Variants in PDE6B observed in about 807,000 individuals in gnomAD.
PDE6B encodes the protein rod cGMP-specific 3',5'-cyclic phosphodiesterase subunit beta.
Under a neutral mutation model 109.0 loss-of-function variants are expected in PDE6B, and 106 were observed. The ratio of observed to expected loss-of-function variants is 0.97; its 90% CI spans 0.83 to 1.14. The LOEUF (loss-of-function observed/expected upper bound fraction) is 1.14. Among genes scored for constraint, PDE6B ranks in the 50% most tolerant of loss-of-function variants. PDE6B has a pLI of 0.00. For missense variants in PDE6B, 1,193 were observed against 1,155.6 expected (o/e 1.03, Z -0.47); for synonymous variants, 490 against 471.3 (o/e 1.04, Z -0.51).
chr4:668,041 G>C (rs776569211), intron 21 of PDE6B, 35 bp downstream of exon 21: 2 of 1,595,546 alleles, frequency 1.3e-6, no homozygotes, highest in Admixed American at 3.3e-5. Flanking sequence ...GCAGGGACTC[G>C]GTGACTCTCC....
rs548681993 is a variant in PDE6B, at chr4:669,660, C to T, written c.2504-386C>T. On this transcript the variant is annotated intron_variant, in intron 21 of 21. Transcript: ENST00000496514. ...CTATTCCCCTACCCCATGCTATTCC[C>T]GCTACGCCATGCTATTCCCGCTACC... Among the ~76,000 whole-genome samples, 58 of 117,180 alleles carry T rather than the reference C, an allele frequency of 4.9e-4. 3 individuals are homozygous for T. Among genetic ancestry groups the T allele is most frequent in the Non-Finnish European group, 6.4e-4 (37 of 57,644 alleles). The allele number at this position is 117,180 out of a possible 152,430, so 76.9% of individuals were successfully genotyped here.
chr4:663,973 C>T lies in PDE6B; in HGVS notation c.2021+103C>T, dbSNP rs778358478. The T allele has an allele frequency of 1.6e-4, 173 of 1,106,146 alleles. 1 individual carries two copies. Among genetic ancestry groups the T allele is most frequent in the Non-Finnish European group, 2.2e-4 (161 of 744,318 alleles). The allele number at this position is 1,106,146 out of a possible 1,614,324, so 68.5% of individuals were successfully genotyped here. On this transcript the variant is annotated intron_variant, in intron 16 of 21. Coordinates refer to ENST00000496514, the MANE Select transcript of PDE6B (RefSeq NM_000283.4). The surrounding 1 kb of genome is among the most constrained non-coding windows in gnomAD (Gnocchi z 4.0). ...GGCGGCACAGCCCGGGGGACGCAGC[C>T]CCGGATTCCGTCCCTGCCCGCCGGC...
Position 636,093 on chromosome 4 carries a change from G to A in PDE6B, c.711+124G>A. 1 of 696,612 alleles carries A rather than the reference G, an allele frequency of 1.4e-6. No individual in the cohort carries two copies. Among genetic ancestry groups the A allele is most frequent in the South Asian group, 1.5e-5 (1 of 66,168 alleles). The allele number at this position is 696,612 out of a possible 1,614,324, so 43.2% of individuals were successfully genotyped here. On this transcript the variant is annotated intron_variant, in intron 3 of 21. Coordinates refer to ENST00000496514, the MANE Select transcript of PDE6B (RefSeq NM_000283.4). This position sits in a 1 kb window ranked among gnomAD's most constrained non-coding sequence, Gnocchi z 4.5. ...CTCACCTGGGTAGGTCCTGGGGTGG[G>A]CATTGCTCAGGGGAGAGGAGGGCTC...
chr4:635,806 C>G lies in PDE6B; in HGVS notation c.622-74C>G, dbSNP rs561255665. The G allele has an allele frequency of 5.1e-5, 42 of 828,194 alleles. No homozygotes were observed. The South Asian group carries it at 5.7e-4, about 11-fold the overall frequency. 51.3% of individuals were successfully genotyped at this position (828,194 alleles called of 1,614,324 possible). A position where few individuals can be genotyped will look rare whatever the true frequency, so the allele number is the denominator to read the frequency against. On this transcript the variant is annotated intron_variant, in intron 2 of 21. Coordinates refer to ENST00000496514, the MANE Select transcript of PDE6B (RefSeq NM_000283.4). ...GGCACCCTCAGGCGAGCATGTTTCT[C>G]CTGCAAAATACCCACGGGGGCACAT...
Position 662,757 on chromosome 4 carries a change from A to T in PDE6B, c.1832+139A>T. On this transcript the variant is annotated intron_variant, in intron 14 of 21. Transcript: ENST00000496514. This position sits in a 1 kb window ranked among gnomAD's most constrained non-coding sequence, Gnocchi z 4.3. ...CGTACTCCAGCACTGTGGGAGGCCA[A>T]GGCGAGGGGATTGCTTGAGCCCAGG... 1.4e-6 allele frequency: 1 copy of T among 699,456 alleles called. No homozygotes were observed. Among genetic ancestry groups the T allele is most frequent in the Non-Finnish European group, 2.6e-6 (1 of 384,458 alleles). The allele number at this position is 699,456 out of a possible 1,614,324, so 43.3% of individuals were successfully genotyped here. A position where few individuals can be genotyped will look rare whatever the true frequency, so the allele number is the denominator to read the frequency against.
intron 3 of PDE6B, among the ~76,000 whole-genome samples, chr4:639,820 A>G (rs1376957256): frequency 6.6e-6 from 1 of 151,896 alleles, no homozygotes; most frequent in African/African-American, 2.4e-5. Context: ...AAATACAAAA[A>G]ATTAGCCAGA....
chr4:640,624 G>A (rs1734904757), intron 3 of PDE6B, among the ~76,000 whole-genome samples: 1 of 152,078 alleles, frequency 6.6e-6, no homozygotes, highest in Admixed American at 6.6e-5. Context: ...CTAAACCCAA[G>A]GTCACCTACA....
rs1423697828 is a variant in PDE6B at position 664,155 on chromosome 4, A to T, written c.2063A>T (p.Asn688Ile). 1 of 1,612,800 alleles carries T rather than the reference A, an allele frequency of 6.2e-7. No individual in the cohort carries two copies. Among genetic ancestry groups the T allele is most frequent in the South Asian group, 1.1e-5 (1 of 91,062 alleles). ...CAGAAGATCGTGGATGAGTCCAAGA[A>T]CTACCAGGACAAGAAGAGCTGGGTG... ...MFQKIVDESK[N>I]YQDKKSWVEY... is the part of the protein sequence containing the mutation. The change falls in exon 17 of 22, where the codon AAC becomes ATC. Residue 688 changes from asparagine to isoleucine, a missense_variant. Coordinates refer to ENST00000496514, the MANE Select transcript of PDE6B (RefSeq NM_000283.4).
At chr4:660,642 G>C (rs755860409) in intron 12 of PDE6B, 29 bp downstream of exon 12, 3 of 1,608,840 alleles carry the variant, frequency 1.9e-6, no homozygotes, top group Non-Finnish European at 1.7e-6. Context: ...CGCATAGTCA[G>C]GTCCCTGAGG....
rs1735210267 is a variant in PDE6B at position 646,563 on chromosome 4, C to T, written c.712-7289C>T. Among the ~76,000 whole-genome samples, 3 of 152,092 alleles carry T rather than the reference C, an allele frequency of 2.0e-5. No individual in the cohort carries two copies. The South Asian group carries it at 6.2e-4, about 31-fold the overall frequency. On this transcript the variant is annotated intron_variant, in intron 3 of 21. Coordinates refer to ENST00000496514, the MANE Select transcript of PDE6B (RefSeq NM_000283.4). ...CTTCCAACATGTCTTCTCCTTCGCT[C>T]TTTCTGCTCCTTCCGGCACCCGCCG... is the stretch of plus-strand genomic sequence containing the variant.
Position 665,197 on chromosome 4 carries a change from C to T in PDE6B, c.2194-58C>T, listed in dbSNP as rs111329498. On this transcript the variant is annotated intron_variant, in intron 18 of 21. Transcript: ENST00000496514. The surrounding 1 kb of genome is among the most constrained non-coding windows in gnomAD (Gnocchi z 4.0). ...AGGCTCGGAGCCTCACGGGGCGGGC[C>T]CGGGCCCTTCCGCGTGGGCTCAGAG... The T allele has an allele frequency of 2.1e-5, 27 of 1,312,288 alleles. No homozygotes were observed. The African/African-American group carries it at 3.6e-4, about 18-fold the overall frequency. The allele number at this position is 1,312,288 out of a possible 1,614,324, so 81.3% of individuals were successfully genotyped here. A position where few individuals can be genotyped will look rare whatever the true frequency, so the allele number is the denominator to read the frequency against.
At chr4:669,123 C>G (rs1299496316) in intron 21 of PDE6B, among the ~76,000 whole-genome samples, 8 of 302 alleles carry the variant, frequency 0.026, 4 homozygotes, top group African/African-American at 0.2. Context: ...CTCCCACTAC[C>G]CCACGCTATT....
rs1577268922 is a variant in PDE6B, at chr4:653,218, A to T, written c.712-634A>T. 5 of 1,008,992 alleles carry T rather than the reference A, an allele frequency of 5.0e-6. No homozygotes were observed. The South Asian group carries it at 2.1e-4, about 42-fold the overall frequency. The allele number at this position is 1,008,992 out of a possible 1,614,324, so 62.5% of individuals were successfully genotyped here. ...GGGAGCTGGCACCATGCGGTAGAAGACCCAGCGGCCGCCGCGAGTGTGAGG... is the reference window on the plus strand; with the variant it reads ...GGGAGCTGGCACCATGCGGTAGAAGTCCCAGCGGCCGCCGCGAGTGTGAGG... On this transcript the variant is annotated intron_variant, in intron 3 of 21. Coordinates refer to ENST00000496514, the MANE Select transcript of PDE6B (RefSeq NM_000283.4).
chr4:647,964 A>G (rs1735290207), intron 3 of PDE6B, among the ~76,000 whole-genome samples: 1 of 151,846 alleles, frequency 6.6e-6, no homozygotes, highest in Non-Finnish European at 1.5e-5. Context: ...AACCCCAGCT[A>G]CTCAGGAGGC....
At chr4:652,105 G>C (rs1048509511) in intron 3 of PDE6B, 1 of 151,958 alleles carries the variant, frequency 6.6e-6, no homozygotes, top group Non-Finnish European at 1.4e-5. Flanking sequence ...TGCAGACCCG[G>C]GCGGAGATTG....
intron 3 of PDE6B, among the ~76,000 whole-genome samples, chr4:650,030 C>G (rs539241276): frequency 6.6e-6 from 1 of 152,366 alleles, no homozygotes; most frequent in East Asian, 1.9e-4. Flanking sequence ...GACACAACCT[C>G]AGCTTCCATG....
chr4:659,790 A>C (rs1300263836), intron 11 of PDE6B, among the ~76,000 whole-genome samples: 3 of 151,950 alleles, frequency 2.0e-5, no homozygotes, highest in African/African-American at 7.3e-5. Flanking sequence ...GCACATGGAT[A>C]TATATAGACA....
chr4:669,352 GCTATTCCCA>G (rs1488396467), intron 21 of PDE6B, among the ~76,000 whole-genome samples: 2 of 96,324 alleles, frequency 2.1e-5, no homozygotes, highest in Non-Finnish European at 1.9e-5. Flanking sequence ...CCTACCCCAT[GCTATTCCCA>G]CTACCCCATG....
intron 1 of PDE6B, among the ~76,000 whole-genome samples, chr4:627,407 A>G (rs935018723): frequency 1.3e-5 from 2 of 152,094 alleles, no homozygotes; most frequent in African/African-American, 4.8e-5. Flanking sequence ...CAGATTTCCA[A>G]AGTGCTGGGA....
Sources: gnomAD v4.1 joint callset for allele counts (sites outside exome capture counted in the v4.1 genomes callset) on GRCh38, gnomAD v4.1.1 for gene constraint, Gnocchi (gnomAD v3.1) non-coding constraint, MANE v1.5 for transcripts, NCBI Gene and HGNC (gene_info 2026-07-23, HGNC 2026-07-21) for gene names.